Variants in NTM observed in about 807,000 individuals in gnomAD.
NTM encodes IgLON family member 2.
NTM carries 13 observed loss-of-function variants against 42.1 expected under a neutral mutation model. The ratio of observed to expected loss-of-function variants is 0.31; its 90% CI spans 0.20 to 0.49. The LOEUF (loss-of-function observed/expected upper bound fraction) is 0.49, where lower values mean the gene tolerates loss of function less well. Ranked by LOEUF, NTM falls within the 20% of genes least tolerant of loss-of-function variation. NTM has a pLI of 0.99. For missense variants in NTM, 373 were observed against 452.8 expected, an observed-to-expected ratio of 0.82 and a Z score of 1.60; for synonymous variants, 187 against 179.2, an observed-to-expected ratio of 1.04 and a Z score of -0.35.
At chr11:131,441,698 C>T (rs1429708480) in intron 1 of NTM, among the ~76,000 whole-genome samples, 1 of 152,156 alleles carries the variant, frequency 6.6e-6, no homozygotes, top group African/African-American at 2.4e-5. Context: ...CTAGCCCAGC[C>T]ACAGCTAAAT....
chr11:131,480,065 A>T (rs1329819818), intron 1 of NTM, among the ~76,000 whole-genome samples: 2 of 151,158 alleles, frequency 1.3e-5, no homozygotes, highest in African/African-American at 4.9e-5. Context: ...GTCATTCATC[A>T]TAGGTTTTTT....
At chr11:131,407,085 G>A (rs891506459) in intron 1 of NTM, among the ~76,000 whole-genome samples, 10 of 152,152 alleles carry the variant, frequency 6.6e-5, no homozygotes, top group Non-Finnish European at 1.0e-4. Flanking sequence ...CTAGCCACAG[G>A]CACTGGCTTA....
chr11:132,297,455 G>C (rs1455906970), intron 4 of NTM, among the ~76,000 whole-genome samples: 1 of 152,170 alleles, frequency 6.6e-6, no homozygotes, highest in African/African-American at 2.4e-5. Flanking sequence ...CAGCCAGTGG[G>C]CATGGGCCTC....
intron 2 of NTM, among the ~76,000 whole-genome samples, chr11:132,048,258 C>T (rs2078297851): frequency 6.6e-6 from 1 of 152,166 alleles, no homozygotes. Context: ...CCCATGCCGC[C>T]ACCTCCTCCC....
intron 2 of NTM, among the ~76,000 whole-genome samples, chr11:132,108,098 G>A (rs539057132): frequency 8.5e-5 from 13 of 152,200 alleles, no homozygotes; most frequent in South Asian, 2.1e-4. Flanking sequence ...CCAAAATGCC[G>A]CATACAAACT....
At chr11:132,255,907 G>A (rs963640606) in intron 4 of NTM, among the ~76,000 whole-genome samples, 4 of 151,748 alleles carry the variant, frequency 2.6e-5, no homozygotes, top group African/African-American at 4.8e-5. Flanking sequence ...TCTTCACCTC[G>A]CTCCTCTCAC....
intron 1 of NTM, among the ~76,000 whole-genome samples, chr11:131,512,746 C>T (rs2048416998): frequency 6.6e-6 from 1 of 152,162 alleles, no homozygotes. Flanking sequence ...GGCCTTCTCG[C>T]TTCCACTCTC....
At chr11:132,312,215 G>A (rs1230137569) in intron 6 of NTM, among the ~76,000 whole-genome samples, 2 of 152,180 alleles carry the variant, frequency 1.3e-5, no homozygotes, top group South Asian at 2.1e-4. Context: ...GCCCTGGGGG[G>A]AAGGCCAGCT....
At chr11:131,480,774 A>C in intron 1 of NTM, among the ~76,000 whole-genome samples, 1 of 148,826 alleles carries the variant, frequency 6.7e-6, no homozygotes, top group Non-Finnish European at 1.5e-5. Context: ...CTCTGTCTCC[A>C]TTAACTTCAG....
intron 2 of NTM, among the ~76,000 whole-genome samples, chr11:132,015,599 C>T (rs938593879): frequency 5.3e-5 from 8 of 150,194 alleles, no homozygotes; most frequent in East Asian, 1.9e-4. Flanking sequence ...TCCTTGTAGA[C>T]GTCTTTTACC....
At chr11:131,806,107 A>C (rs996237953) in intron 1 of NTM, among the ~76,000 whole-genome samples, 1 of 152,246 alleles carries the variant, frequency 6.6e-6, no homozygotes, top group Non-Finnish European at 1.5e-5. Flanking sequence ...AACAGCATTG[A>C]CTTGACAACA....
intron 4 of NTM, among the ~76,000 whole-genome samples, chr11:132,240,873 G>A (rs1414069611): frequency 6.6e-6 from 1 of 152,164 alleles, no homozygotes; most frequent in East Asian, 1.9e-4. Context: ...TTCTACAGTT[G>A]AACATCCCTG....
At chr11:131,748,151 A>G (rs1311533816) in intron 1 of NTM, among the ~76,000 whole-genome samples, 1 of 152,240 alleles carries the variant, frequency 6.6e-6, no homozygotes, top group African/African-American at 2.4e-5. Flanking sequence ...TAGTCACTCA[A>G]CCAAGTCTGT....
chr11:131,760,948 C>T (rs372425872), intron 1 of NTM, among the ~76,000 whole-genome samples: 18 of 152,218 alleles, frequency 1.2e-4, no homozygotes, highest in African/African-American at 4.3e-4. Context: ...AAAGGAGGAG[C>T]CTTCCTAGCT....
chr11:131,691,055 G>A (rs1170906819), intron 1 of NTM, among the ~76,000 whole-genome samples: 2 of 152,184 alleles, frequency 1.3e-5, no homozygotes, highest in African/African-American at 4.8e-5. Flanking sequence ...GGTCTGGGTG[G>A]GCGAGTCTCA....
chr11:131,404,631 T>C (rs1428147371), intron 1 of NTM, among the ~76,000 whole-genome samples: 3 of 152,244 alleles, frequency 2.0e-5, no homozygotes, highest in Non-Finnish European at 4.4e-5. Flanking sequence ...ACTTAATATG[T>C]GATTTTGTTC....
intron 2 of NTM, among the ~76,000 whole-genome samples, chr11:132,141,314 A>C (rs1324043868): frequency 6.6e-6 from 1 of 151,378 alleles, no homozygotes; most frequent in South Asian, 2.1e-4. Context: ...CCTAAATCCA[A>C]AAGTAGCTTC....
intron 1 of NTM, among the ~76,000 whole-genome samples, chr11:131,447,607 T>C (rs1384415468): frequency 1.3e-5 from 2 of 152,150 alleles, no homozygotes; most frequent in African/African-American, 4.8e-5. Context: ...ATGGTTTGTT[T>C]GTATTTGTAT....
intron 1 of NTM, among the ~76,000 whole-genome samples, chr11:131,430,018 GT>G (rs1232659406): frequency 6.6e-6 from 1 of 152,152 alleles, no homozygotes; most frequent in Non-Finnish European, 1.5e-5. Flanking sequence ...AAGCACTTAA[GT>G]TTTGCTCCAA....
Sources: allele counts gnomAD v4.1 joint callset (sites outside exome capture counted in the v4.1 genomes callset), GRCh38; gene constraint gnomAD v4.1.1; transcripts MANE v1.5; gene names NCBI Gene and HGNC (gene_info 2026-07-23, HGNC 2026-07-21).